LYST: variants seen among roughly 807,000 people sequenced by gnomAD.
LYST encodes lysosomal-trafficking regulator.
LYST carries 192 observed loss-of-function variants against 413.6 expected under a neutral mutation model. The observed-to-expected ratio is 0.46, with a 90% CI of 0.41 to 0.52. The LOEUF is 0.52. LYST is among the 20% of genes least tolerant of loss of function. The pLI is 0.00. For synonymous variants in LYST, 1,525 were observed against 1,567.3 expected (o/e 0.97, Z 0.64); for missense variants, 3,815 against 4,499.9 (o/e 0.85, Z 4.35).
chr1:235,811,825 A>G (rs954868947), intron 4 of LYST, among the ~76,000 whole-genome samples: 13 of 152,168 alleles, frequency 8.5e-5, no homozygotes, highest in Non-Finnish European at 7.3e-5. Flanking sequence ...TCCCCCAAAG[A>G]GCATTAATCA....
At position 235,791,648 on chromosome 1, in the gene LYST, A is replaced by G. The variant is rs748645846; in HGVS notation, c.4543+51T>C. On this transcript the variant is annotated intron_variant, in intron 12 of 52. Transcript: ENST00000389793. Reference sequence around the variant, plus strand: ...ACATTTTTACGGCTCAAGGAAAATTATAGTCTGAAAACAATCTTTGTGTAC... The same window carrying G: ...ACATTTTTACGGCTCAAGGAAAATTGTAGTCTGAAAACAATCTTTGTGTAC... The G allele has an allele frequency of 2.7e-6, 4 of 1,472,000 alleles. No homozygotes were observed. In the South Asian group the frequency reaches 4.6e-5, roughly 17 times the overall value. 91.2% of individuals were successfully genotyped at this position (1,472,000 alleles called of 1,614,324 possible). A position where few individuals can be genotyped will look rare whatever the true frequency, so the allele number is the denominator to read the frequency against.
At chr1:235,763,844 T>C (rs937489702) in intron 21 of LYST, among the ~76,000 whole-genome samples, 5 of 152,130 alleles carry the variant, frequency 3.3e-5, no homozygotes, top group African/African-American at 1.2e-4. Flanking sequence ...TGGGTTACTA[T>C]CACAGATTTC....
intron 21 of LYST, among the ~76,000 whole-genome samples, chr1:235,765,617 C>T (rs1169177487): frequency 6.6e-6 from 1 of 152,086 alleles, no homozygotes; most frequent in Non-Finnish European, 1.5e-5. Context: ...ACTCATTAGT[C>T]CTTATTTTCT....
chr1:235,810,604 CCT>C, intron 4 of LYST, 70 bp from the exon 5 acceptor site: 2 of 1,374,104 alleles, frequency 1.5e-6, no homozygotes, highest in Non-Finnish European at 2.0e-6. Context: ...AGGTGACAGC[CCT>C]CTTATTTATC....
chr1:235,770,059 G>A lies in LYST; in HGVS notation c.5922+101C>T, dbSNP rs59221600. ...CTGGAGAGAAGATGGAAAAAAAAAAGAAAAAAAGTCCCATTGAAAGTGCCA... is the reference window on the plus strand; with the variant it reads ...CTGGAGAGAAGATGGAAAAAAAAAAAAAAAAAAGTCCCATTGAAAGTGCCA... On this transcript the variant is annotated intron_variant, in intron 20 of 52. Transcript: ENST00000389793. The A allele has an allele frequency of 8.8e-3, 9,343 of 1,062,970 alleles. 534 individuals are homozygous for A. In the African/African-American group the frequency reaches 0.13, roughly 15 times the overall value. The allele number at this position is 1,062,970 out of a possible 1,614,324, so 65.8% of individuals were successfully genotyped here.
intron 1 of LYST, among the ~76,000 whole-genome samples, chr1:235,860,952 T>A (rs1679790149): frequency 6.6e-6 from 1 of 152,054 alleles, no homozygotes; most frequent in South Asian, 2.1e-4. Flanking sequence ...AGTATGTACT[T>A]TTTTTTTCTT....
At chr1:235,865,976 C>G in intron 1 of LYST, among the ~76,000 whole-genome samples, 1 of 152,202 alleles carries the variant, frequency 6.6e-6, no homozygotes, top group East Asian at 1.9e-4. Flanking sequence ...CATTAACTAT[C>G]AAGTGCCGTC....
intron 1 of LYST, among the ~76,000 whole-genome samples, chr1:235,843,659 C>T (rs1462262066): frequency 2.0e-5 from 3 of 151,726 alleles, no homozygotes; most frequent in Non-Finnish European, 2.9e-5. Context: ...TGTTTCATAA[C>T]GCTATTTCCA....
intron 17 of LYST, among the ~76,000 whole-genome samples, chr1:235,775,383 A>G (rs1381720434): frequency 6.6e-6 from 1 of 152,222 alleles, no homozygotes; most frequent in Non-Finnish European, 1.5e-5. Flanking sequence ...AAGTTAGTCA[A>G]TAGACAGGCT....
chr1:235,875,993 G>A (rs549898412), intron 1 of LYST, among the ~76,000 whole-genome samples: 12 of 152,034 alleles, frequency 7.9e-5, no homozygotes, highest in Non-Finnish European at 1.6e-4. Context: ...GCTGAGGCAG[G>A]TGGTTCACTA....
At chr1:235,845,533 G>C (rs924408364) in intron 1 of LYST, among the ~76,000 whole-genome samples, 1 of 152,168 alleles carries the variant, frequency 6.6e-6, no homozygotes, top group Non-Finnish European at 1.5e-5. Flanking sequence ...GACTTCACAG[G>C]TGGAAGGAAG....
At chr1:235,800,199 C>T (rs755869174) in intron 10 of LYST, 121 bp downstream of exon 10, 5 of 694,642 alleles carry the variant, frequency 7.2e-6, no homozygotes, top group Non-Finnish European at 1.3e-5. Context: ...CGCCTGCCAC[C>T]TCAGCCTCCC....
At chr1:235,678,699 A>G (rs1164665974) in intron 48 of LYST, among the ~76,000 whole-genome samples, 2 of 152,210 alleles carry the variant, frequency 1.3e-5, no homozygotes, top group East Asian at 1.9e-4. Flanking sequence ...CATTGTACAT[A>G]TAATTTGTGT....
intron 40 of LYST, among the ~76,000 whole-genome samples, chr1:235,718,706 A>G (rs752470030): frequency 9.9e-5 from 15 of 152,172 alleles, no homozygotes; most frequent in Non-Finnish European, 1.9e-4. Context: ...TAAACGAACA[A>G]AATATTCCCT....
intron 1 of LYST, among the ~76,000 whole-genome samples, chr1:235,843,191 G>GCTT (rs1677413569): frequency 6.6e-6 from 1 of 151,614 alleles, no homozygotes; most frequent in African/African-American, 2.4e-5. Context: ...TGATAAGAAG[G>GCTT]GAAAGGGGTC....
In LYST at chr1:235,698,790, A is replaced by G. The variant is rs369034545; in HGVS notation, c.10375-1518T>C. Reference sequence around the variant, plus strand: ...CGGGAGGCTGAGGCAGGAGAATGGCATGAACCTGGGAGGCAGAGCTTGCAG... The same window carrying G: ...CGGGAGGCTGAGGCAGGAGAATGGCGTGAACCTGGGAGGCAGAGCTTGCAG... On this transcript the variant is annotated intron_variant, in intron 45 of 52. Coordinates refer to ENST00000389793, the MANE Select transcript of LYST (RefSeq NM_000081.4). 8.5e-5 allele frequency among the ~76,000 whole-genome samples: 13 copies of G among 152,144 alleles called. No individual in the cohort carries two copies. In the South Asian group the frequency reaches 1.0e-3, roughly 12 times the overall value.
At chr1:235,793,451 TGTAA>T in intron 11 of LYST, 48 bp downstream of exon 11, 1 of 847,394 alleles carries the variant, frequency 1.2e-6, no homozygotes, top group Non-Finnish European at 2.0e-6. Flanking sequence ...TATTAAAAAT[TGTAA>T]GTGAAAGAAT....
intron 48 of LYST, among the ~76,000 whole-genome samples, chr1:235,682,273 C>T (rs1055689267): frequency 6.6e-5 from 10 of 152,062 alleles, no homozygotes; most frequent in Non-Finnish European, 1.3e-4. Flanking sequence ...TGCAGTAAGC[C>T]GTGATTGTGC....
intron 25 of LYST, among the ~76,000 whole-genome samples, chr1:235,754,981 G>C (rs1396100260): frequency 6.7e-6 from 1 of 149,850 alleles, no homozygotes; most frequent in African/African-American, 2.5e-5. Context: ...GGCTGAGGCA[G>C]GAGGATCCCT....
Sources: allele counts gnomAD v4.1 joint callset (sites outside exome capture counted in the v4.1 genomes callset), GRCh38; gene constraint gnomAD v4.1.1; transcripts MANE v1.5; gene names NCBI Gene and HGNC (gene_info 2026-07-23, HGNC 2026-07-21).